The following EYS variants were observed in gnomAD, a reference collection of about 807,000 sequenced individuals.
The protein encoded by EYS is protein eyes shut homolog.
EYS carries 250 observed loss-of-function variants against 282.1 expected under a neutral mutation model. The observed-to-expected ratio is 0.89, with a 90% CI of 0.80 to 0.98. The LOEUF is 0.98. Ranked by LOEUF, EYS falls within the 50% of genes least tolerant of loss-of-function variation. The pLI is 0.00. For synonymous variants in EYS, 1,355 were observed against 1,282.9 expected, an observed-to-expected ratio of 1.06 and a Z score of -1.20; for missense variants, 4,016 against 3,709.0, an observed-to-expected ratio of 1.08 and a Z score of -2.15.
intron 12 of EYS, among the ~76,000 whole-genome samples, chr6:65,171,950 A>G (rs1298946462): frequency 6.6e-6 from 1 of 151,488 alleles, no homozygotes; most frequent in African/African-American, 2.4e-5. Context: ...ATGAGTTAAC[A>G]GAATTTTATT....
intron 28 of EYS, among the ~76,000 whole-genome samples, chr6:64,428,907 T>C (rs778785490): frequency 1.1e-4 from 17 of 152,148 alleles, no homozygotes; most frequent in Admixed American, 5.2e-4. Context: ...TCCCAGTAAT[T>C]CCACATAAAT....
At chr6:64,339,570 G>A (rs966537969) in intron 29 of EYS, among the ~76,000 whole-genome samples, 3 of 151,940 alleles carry the variant, frequency 2.0e-5, no homozygotes, top group African/African-American at 7.2e-5. Context: ...AAACAGTGTG[G>A]AGATTCTTTA....
chr6:65,365,488 T>C (rs1297177456), intron 8 of EYS, among the ~76,000 whole-genome samples: 1 of 150,514 alleles, frequency 6.6e-6, no homozygotes, highest in Non-Finnish European at 1.5e-5. Context: ...GGACACTATT[T>C]TCAAATCTGA....
At chr6:65,360,835 C>T (rs952530254) in intron 8 of EYS, among the ~76,000 whole-genome samples, 1 of 151,920 alleles carries the variant, frequency 6.6e-6, no homozygotes, top group African/African-American at 2.4e-5. Context: ...GTATTGCAAA[C>T]AATGGGAACA....
chr6:65,274,120 A>G (rs1310849074), intron 12 of EYS, among the ~76,000 whole-genome samples: 1 of 152,198 alleles, frequency 6.6e-6, no homozygotes, highest in African/African-American at 2.4e-5. Context: ...TCTGGAATGC[A>G]CAATAGGAAT....
chr6:65,184,429 TA>T (rs1203717700), intron 12 of EYS, among the ~76,000 whole-genome samples: 1 of 151,866 alleles, frequency 6.6e-6, no homozygotes, highest in African/African-American at 2.4e-5. Flanking sequence ...AGCCATCTTT[TA>T]AAAGTCCCTT....
chr6:64,970,197 G>T (rs890801779), intron 14 of EYS, among the ~76,000 whole-genome samples: 1 of 151,674 alleles, frequency 6.6e-6, no homozygotes, highest in African/African-American at 2.4e-5. Context: ...TGCATAAAGT[G>T]TATGTAGATA....
At chr6:64,871,465 C>T (rs1378286768) in intron 19 of EYS, among the ~76,000 whole-genome samples, 1 of 151,856 alleles carries the variant, frequency 6.6e-6, no homozygotes, top group Non-Finnish European at 1.5e-5. Context: ...CACATGTTTT[C>T]TTTTAGGCCT....
chr6:64,205,273 C>T (rs1391732179), intron 31 of EYS, among the ~76,000 whole-genome samples: 2 of 152,054 alleles, frequency 1.3e-5, no homozygotes, highest in African/African-American at 2.4e-5. Context: ...TAAGATCAGT[C>T]GTATTTGTAC....
rs190135503 is a variant in EYS, at chr6:65,385,935, T to G, written c.1185-1435A>C. On this transcript the variant is annotated intron_variant, in intron 7 of 42. Transcript: ENST00000503581. ...AGAAGAGAAGAGCTTTAGCATATCC[T>G]AAAAGTTGATGAGTTTCAATTTTCC... Among the ~76,000 whole-genome samples, 5 of 151,988 alleles carry G rather than the reference T, an allele frequency of 3.3e-5. No individual in the cohort carries two copies. The East Asian group carries it at 9.7e-4, about 29-fold the overall frequency.
intron 31 of EYS, among the ~76,000 whole-genome samples, chr6:64,121,903 C>G (rs148971052): frequency 1.3e-5 from 2 of 152,098 alleles, no homozygotes; most frequent in East Asian, 3.9e-4. Context: ...GTCAATACAC[C>G]TGTTTTTGTT....
intron 12 of EYS, among the ~76,000 whole-genome samples, chr6:65,093,548 T>G (rs1376739277): frequency 6.6e-6 from 1 of 151,822 alleles, no homozygotes; most frequent in African/African-American, 2.4e-5. Flanking sequence ...TTTATACTGT[T>G]TGAATTTAAG....
At chr6:65,428,907 G>T (rs1374024966) in intron 5 of EYS, among the ~76,000 whole-genome samples, 2 of 152,152 alleles carry the variant, frequency 1.3e-5, no homozygotes, top group Non-Finnish European at 2.9e-5. Context: ...TCTGAGCCGG[G>T]CGTGGTGGCT....
intron 5 of EYS, among the ~76,000 whole-genome samples, chr6:65,450,905 A>T (rs1416523788): frequency 6.6e-6 from 1 of 151,922 alleles, no homozygotes; most frequent in East Asian, 1.9e-4. Context: ...CTCAAAACTC[A>T]CCCTTTTTTG....
chr6:64,187,061 A>T (rs983744579), intron 31 of EYS, among the ~76,000 whole-genome samples: 1 of 152,154 alleles, frequency 6.6e-6, no homozygotes, highest in African/African-American at 2.4e-5. Context: ...ATTTAAAGAA[A>T]ATCTGGTCTG....
intron 22 of EYS, among the ~76,000 whole-genome samples, chr6:64,719,560 A>C (rs1771505725): frequency 6.6e-6 from 1 of 152,174 alleles, no homozygotes; most frequent in African/African-American, 2.4e-5. Flanking sequence ...CCTTGGCAAG[A>C]AGGAGAGATG....
At chr6:64,622,778 C>T (rs528038496) in intron 23 of EYS, among the ~76,000 whole-genome samples, 3 of 152,090 alleles carry the variant, frequency 2.0e-5, no homozygotes, top group Admixed American at 6.6e-5. Flanking sequence ...AGTTTTCTAC[C>T]TGGAGCTGTG....
At chr6:65,492,733 A>G (rs927296773) in intron 4 of EYS, among the ~76,000 whole-genome samples, 4 of 152,198 alleles carry the variant, frequency 2.6e-5, no homozygotes, top group African/African-American at 9.7e-5. Flanking sequence ...CAATGCCAAC[A>G]CAGTCAAATG....
chr6:64,573,297 G>A (rs532529063), intron 26 of EYS, among the ~76,000 whole-genome samples: 20 of 152,166 alleles, frequency 1.3e-4, no homozygotes, highest in Admixed American at 2.6e-4. Context: ...AGACTTAAAC[G>A]TAAGTCCTAA....
Sources: gnomAD v4.1 joint callset for allele counts (sites outside exome capture counted in the v4.1 genomes callset) on GRCh38, gnomAD v4.1.1 for gene constraint, MANE v1.5 for transcripts, NCBI Gene and HGNC (gene_info 2026-07-23, HGNC 2026-07-21) for gene names.